ST3GAL2: variants seen among roughly 807,000 people sequenced by gnomAD.
ST3GAL2 encodes the protein CMP-N-acetylneuraminate-beta-galactosamide-alpha-2,3-sialyltransferase 2.
ST3GAL2 carries 16 observed loss-of-function variants against 37.5 expected under a neutral mutation model. The observed-to-expected ratio is 0.43, with a 90% CI of 0.29 to 0.65. The LOEUF is 0.65. Among genes scored for constraint, ST3GAL2 ranks in the 30% least tolerant of loss-of-function variants. The pLI is 0.17. For missense variants in ST3GAL2, 383 were observed against 487.8 expected (o/e 0.79, Z 2.02); for synonymous variants, 238 against 202.9 (o/e 1.17, Z -1.47).
chr16:70,389,579 C>T (rs2047468496), intron 3 of ST3GAL2, among the ~76,000 whole-genome samples: 1 of 152,052 alleles, frequency 6.6e-6, no homozygotes. Flanking sequence ...ATTCTCCTGC[C>T]TCAGCCTCCC....
chr16:70,423,526 A>C (rs926453970), intron 1 of ST3GAL2, among the ~76,000 whole-genome samples: 2 of 151,924 alleles, frequency 1.3e-5, no homozygotes, highest in African/African-American at 2.4e-5. Context: ...AACAAACAAA[A>C]AAGTCAGTAC....
At position 70,379,977 on chromosome 16, in the gene ST3GAL2, A is replaced by G. The variant is rs1178398898; in HGVS notation, c.*1712T>C. 6.6e-6 allele frequency: 1 copy of G among 152,120 alleles called. No individual in the cohort carries two copies. 9.4% of individuals were successfully genotyped at this position (152,120 alleles called of 1,614,324 possible). On this transcript the variant is annotated 3_prime_UTR_variant, in exon 7 of 7. Transcript: ENST00000342907. ...AAAGCAAAAGAAAAAAAAGAAATAA[A>G]TTATTCTGCTCAATACTGTTTGGCA...
intron 1 of ST3GAL2, among the ~76,000 whole-genome samples, chr16:70,410,440 A>C (rs1467548554): frequency 1.3e-5 from 2 of 150,534 alleles, no homozygotes; most frequent in African/African-American, 4.9e-5. Flanking sequence ...TTTTTAGTAG[A>C]GACAGGGCTT....
chr16:70,405,540 T>TAAAAAAAAAA (rs58998342), intron 1 of ST3GAL2, among the ~76,000 whole-genome samples: 1 of 101,486 alleles, frequency 9.9e-6, no homozygotes, highest in Admixed American at 1.1e-4. Context: ...GACTCCGTCT[T>TAAAAAAAAAA]AAAAAAAAAA....
intron 1 of ST3GAL2, among the ~76,000 whole-genome samples, chr16:70,430,911 C>T: frequency 6.6e-6 from 1 of 152,122 alleles, no homozygotes; most frequent in Admixed American, 6.6e-5. Flanking sequence ...ACTTTCACTT[C>T]CCCCTGAAAC....
rs371909231 is a variant in ST3GAL2 at position 70,400,128 on chromosome 16, C to T, written c.-1003-595G>A. The T allele has an allele frequency of 2.8e-4, 43 of 152,580 alleles. No individual in the cohort carries two copies. In the South Asian group the frequency reaches 2.9e-3, roughly 10 times the overall value. 9.5% of individuals were successfully genotyped at this position (152,580 alleles called of 1,614,324 possible). A position where few individuals can be genotyped will look rare whatever the true frequency, so the allele number is the denominator to read the frequency against. ...TGGTTGCTGGGCTTGGTCCTGCCCC[C>T]GGACAGCCCTGAGGGCAGTTGTCTA... On this transcript the variant is annotated intron_variant, in intron 1 of 6. Coordinates refer to ENST00000342907, the MANE Select transcript of ST3GAL2 (RefSeq NM_006927.4).
intron 1 of ST3GAL2, among the ~76,000 whole-genome samples, chr16:70,416,708 G>A (rs1567674713): frequency 6.6e-6 from 1 of 151,348 alleles, no homozygotes; most frequent in Non-Finnish European, 1.5e-5. Context: ...CATTCTAGAA[G>A]TGAGAGCTTT....
intron 3 of ST3GAL2, among the ~76,000 whole-genome samples, chr16:70,391,449 C>T (rs1222928677): frequency 1.3e-5 from 2 of 152,192 alleles, no homozygotes; most frequent in African/African-American, 4.8e-5. Flanking sequence ...GTTTAGAGAT[C>T]CTGTCTCCTA....
rs1053878406 is a variant in ST3GAL2 at position 70,410,197 on chromosome 16, TTTC to T, written c.-1003-10667_-1003-10665del. Among the ~76,000 whole-genome samples, 14 of 149,252 alleles carry T rather than the reference TTTC, an allele frequency of 9.4e-5. 1 individual carries two copies. The highest frequency in any genetic ancestry group is 3.4e-4 in the African/African-American group (14 of 40,768). ...TGTCTACTATTTTTTCTGTATTTTT[TTTC>T]TTTTCCTGACTTGGGTTGACATATT... On this transcript the variant is annotated intron_variant, in intron 1 of 6. Coordinates refer to ENST00000342907, the MANE Select transcript of ST3GAL2 (RefSeq NM_006927.4).
chr16:70,413,279 G>A (rs1461512141), intron 1 of ST3GAL2, among the ~76,000 whole-genome samples: 1 of 151,148 alleles, frequency 6.6e-6, no homozygotes, highest in Non-Finnish European at 1.5e-5. Flanking sequence ...AGCTGGGCAT[G>A]GTGGCAAGTG....
intron 1 of ST3GAL2, among the ~76,000 whole-genome samples, chr16:70,406,242 A>G (rs889599229): frequency 1.3e-5 from 2 of 152,112 alleles, no homozygotes; most frequent in East Asian, 1.9e-4. Flanking sequence ...TCAGGAGTTC[A>G]AGATCGGCCT....
At chr16:70,410,808 G>GTTT (rs35994886) in intron 1 of ST3GAL2, among the ~76,000 whole-genome samples, 30 of 103,200 alleles carry the variant, frequency 2.9e-4, no homozygotes, top group East Asian at 5.6e-4. Flanking sequence ...TTTAGATCCT[G>GTTT]TTTTTTTTTT....
At chr16:70,435,395 A>G (rs963861506) in intron 1 of ST3GAL2, among the ~76,000 whole-genome samples, 5 of 152,118 alleles carry the variant, frequency 3.3e-5, no homozygotes, top group Non-Finnish European at 7.4e-5. Flanking sequence ...CAGGAGTTTG[A>G]GACCAGCCTG....
chr16:70,410,850 G>A (rs2047633647), intron 1 of ST3GAL2, among the ~76,000 whole-genome samples: 1 of 133,940 alleles, frequency 7.5e-6, no homozygotes, highest in Admixed American at 8.4e-5. Flanking sequence ...GCCGTCTGTA[G>A]CAGACACTGT....
intron 1 of ST3GAL2, among the ~76,000 whole-genome samples, chr16:70,415,137 G>A (rs1057081069): frequency 3.3e-5 from 5 of 152,136 alleles, no homozygotes; most frequent in Non-Finnish European, 7.4e-5. Flanking sequence ...GCCTCCCAAA[G>A]TGCTGGGATT....
chr16:70,409,461 G>T (rs971841188), intron 1 of ST3GAL2, among the ~76,000 whole-genome samples: 1 of 151,960 alleles, frequency 6.6e-6, no homozygotes, highest in Non-Finnish European at 1.5e-5. Flanking sequence ...TTCCTGCCTC[G>T]GTCTCCTGAG....
rs368626087 is a variant in ST3GAL2 at position 70,409,939 on chromosome 16, TTTG to T, written c.-1003-10409_-1003-10407del. Reference sequence around the variant, plus strand: ...GGTGTGCACTACTTTTGTTGTTTTTTTTGTTGTTGTAGAGATGATGTCTTGCTA... The same window carrying T: ...GGTGTGCACTACTTTTGTTGTTTTTTTTGTTGTAGAGATGATGTCTTGCTA... On this transcript the variant is annotated intron_variant, in intron 1 of 6. Transcript: ENST00000342907. 1.3e-3 allele frequency among the ~76,000 whole-genome samples: 193 copies of T among 151,606 alleles called. 5 individuals carry two copies. Among genetic ancestry groups the T allele is most frequent in the African/African-American group, 4.3e-3 (179 of 41,328 alleles).
intron 1 of ST3GAL2, among the ~76,000 whole-genome samples, chr16:70,437,888 T>G (rs1040869148): frequency 3.3e-5 from 5 of 150,670 alleles, no homozygotes; most frequent in African/African-American, 9.8e-5. Context: ...GAGGCGGGAG[T>G]GTGTTACTGG....
Position 70,398,345 on chromosome 16 carries a change from C to T in ST3GAL2, c.186G>A (p.Lys62=). 2 of 1,613,540 alleles carry T rather than the reference C, an allele frequency of 1.2e-6. No homozygotes were observed. The highest frequency in any genetic ancestry group is 2.2e-5 in the East Asian group (1 of 44,886). ...CACAGCTCTTGCCCGAGAGCCTCTC[C>T]TTGCTGAGGCGCTGCAGGCCGGCAT... ...PGYAGLQRLS[K]ERLSGKSCAC... is the part of the protein sequence containing the mutation. The change falls in exon 2 of 7, where the codon AAG becomes AAA. Residue 62 remains lysine (K), a synonymous_variant. Transcript: ENST00000342907.
Sources: gnomAD v4.1 joint callset for allele counts (sites outside exome capture counted in the v4.1 genomes callset) on GRCh38, gnomAD v4.1.1 for gene constraint, MANE v1.5 for transcripts, NCBI Gene and HGNC (gene_info 2026-07-23, HGNC 2026-07-21) for gene names.